The following ZNF566 variants were observed in gnomAD, a reference collection of about 807,000 sequenced individuals.
ZNF566 encodes the protein zinc finger protein 566.
In ZNF566, 27 loss-of-function variants were observed where a neutral mutation model predicts 32.8. That is an observed-to-expected ratio of 0.82 (90% CI 0.61 to 1.14). The LOEUF (loss-of-function observed/expected upper bound fraction) is 1.14, where lower values mean the gene tolerates loss of function less well. Among genes scored for constraint, ZNF566 ranks in the 50% most tolerant of loss-of-function variants. The pLI, the probability that ZNF566 is intolerant of heterozygous loss-of-function variation, is 0.00. For missense variants in ZNF566, 402 were observed against 490.4 expected (o/e 0.82, Z 1.70); for synonymous variants, 154 against 159.5 (o/e 0.97, Z 0.26).
At chr19:36,481,489 AAAAAAAG>A (rs1415048363) in intron 1 of ZNF566, among the ~76,000 whole-genome samples, 14 of 147,194 alleles carry the variant, frequency 9.5e-5, no homozygotes, top group Admixed American at 5.4e-4. Context: ...AAAAAAAAAA[AAAAAAAG>A]AAAAGAACAC....
chr19:36,452,927 G>A (rs1359950716), intron 4 of ZNF566, among the ~76,000 whole-genome samples: 1 of 152,010 alleles, frequency 6.6e-6, no homozygotes, highest in Non-Finnish European at 1.5e-5. Context: ...AGACCAGCCT[G>A]CCCAATATGG....
intron 1 of ZNF566, among the ~76,000 whole-genome samples, chr19:36,487,674 A>G (rs2034200337): frequency 6.6e-6 from 1 of 152,106 alleles, no homozygotes; most frequent in Non-Finnish European, 1.5e-5. Flanking sequence ...TTGGGAGGCC[A>G]AGGTGGGCGG....
intron 4 of ZNF566, among the ~76,000 whole-genome samples, chr19:36,454,469 C>T (rs1233592041): frequency 6.6e-6 from 1 of 152,046 alleles, no homozygotes; most frequent in African/African-American, 2.4e-5. Context: ...AGGAAGATTG[C>T]CTGAGCCCAG....
At chr19:36,451,773 C>T (rs1351895562) in intron 4 of ZNF566, among the ~76,000 whole-genome samples, 1 of 152,058 alleles carries the variant, frequency 6.6e-6, no homozygotes, top group Non-Finnish European at 1.5e-5. Context: ...TCTGCGGGGC[C>T]GAGGCGGGCC....
rs1033136358 is a variant in ZNF566, at chr19:36,446,544, C to G, written c.*2433G>C. On this transcript the variant is annotated 3_prime_UTR_variant, in exon 5 of 5. Coordinates refer to ENST00000452939, the MANE Select transcript of ZNF566 (RefSeq NM_001145344.1). Reference sequence around the variant, plus strand: ...TACAGGCGTAAGCCACTGTGCCCAGCCCCTTTTCTTTCTCTTTAATGGTAT... The same window carrying G: ...TACAGGCGTAAGCCACTGTGCCCAGGCCCTTTTCTTTCTCTTTAATGGTAT... 4 of 152,220 alleles carry G rather than the reference C, an allele frequency of 2.6e-5. No homozygotes were observed. The highest frequency in any genetic ancestry group is 9.6e-5 in the African/African-American group (4 of 41,454). 9.4% of individuals were successfully genotyped at this position (152,220 alleles called of 1,614,324 possible).
chr19:36,477,524 C>CTTTTTT (rs1568528960), intron 1 of ZNF566, among the ~76,000 whole-genome samples: 11 of 106,652 alleles, frequency 1.0e-4, no homozygotes, highest in South Asian at 3.1e-4. Flanking sequence ...TTTTCTGTTT[C>CTTTTTT]TGTTTTTTTT....
In ZNF566 at chr19:36,449,840, G is replaced by A; in HGVS notation, c.394C>T (p.Leu132Phe). The change falls in exon 5 of 5, where the codon CTC becomes TTC. Residue 132 changes from leucine (L) to phenylalanine (F), a missense_variant. This residue lies in a region of ZNF566 where 220 missense variants were observed against 241.9 expected (regional missense o/e 0.91). Transcript: ENST00000452939. ...WECNRQFKKE[L>F]GSQGGHFNQL... The stretch of plus-strand genomic sequence containing the variant: ...TTGAAATGTCCCCCCTGAGAGCCGA[G>A]TTCTTTCTTAAACTGCCGATTACAT... The A allele has an allele frequency of 6.2e-7, 1 of 1,614,126 alleles. No homozygotes were observed. Among genetic ancestry groups the A allele is most frequent in the Non-Finnish European group, 8.5e-7 (1 of 1,180,028 alleles).
chr19:36,445,340 C>T lies in ZNF566; in HGVS notation c.*3637G>A, dbSNP rs1441033484. 1 of 152,040 alleles carries T rather than the reference C, an allele frequency of 6.6e-6. No individual in the cohort carries two copies. The highest frequency in any genetic ancestry group is 1.5e-5 in the Non-Finnish European group (1 of 68,010). The allele number at this position is 152,040 out of a possible 1,614,324, so 9.4% of individuals were successfully genotyped here. On this transcript the variant is annotated 3_prime_UTR_variant, in exon 5 of 5. Transcript: ENST00000452939. ...TACTTCTGGCATAACTGGTTTTATT[C>T]CTGGATAGAAACAAGTCTGACATCC...
At position 36,471,107 on chromosome 19, in the gene ZNF566, G is replaced by A. The variant is rs561131132; in HGVS notation, c.232+1804C>T. On this transcript the variant is annotated intron_variant, in intron 4 of 4. Transcript: ENST00000452939. ...CACGCACCTGTAATCCCAACTACTC[G>A]GGAGGCTGAGGCAGGAGAATCGCTT... is the stretch of plus-strand genomic sequence containing the variant. 4.6e-5 allele frequency among the ~76,000 whole-genome samples: 7 copies of A among 151,316 alleles called. No individual in the cohort carries two copies. The South Asian group carries it at 6.3e-4, about 14-fold the overall frequency.
At chr19:36,474,768 C>T (rs1462312296) in intron 2 of ZNF566, among the ~76,000 whole-genome samples, 1 of 152,156 alleles carries the variant, frequency 6.6e-6, no homozygotes, top group Non-Finnish European at 1.5e-5. Context: ...AGACTCTGAT[C>T]CATTCCTATG....
Position 36,449,711 on chromosome 19 carries a change from C to G in ZNF566, c.523G>C (p.Glu175Gln). The G allele has an allele frequency of 6.2e-7, 1 of 1,614,072 alleles. No individual in the cohort carries two copies. Among genetic ancestry groups the G allele is most frequent in the Non-Finnish European group, 8.5e-7 (1 of 1,180,010 alleles). The change falls in exon 5 of 5, where the codon GAA becomes CAA. Residue 175 changes from glutamate (E) to glutamine (Q), a missense_variant. Physicochemically the swap from Glu to Gln is conservative, Grantham distance 29. Coordinates refer to ENST00000452939, the MANE Select transcript of ZNF566 (RefSeq NM_001145344.1). ...CCATGTCTAAAGGTTTTCCTATATT[C>G]TTTAGATGCACAGAATTTCTTTTTA... Reference protein sequence around the residue: ...NSKKKFCASKEYRKTFRHGSQ... With the variant: ...NSKKKFCASKQYRKTFRHGSQ...
At chr19:36,463,577 C>T (rs1358498008) in intron 4 of ZNF566, among the ~76,000 whole-genome samples, 1 of 130,272 alleles carries the variant, frequency 7.7e-6, no homozygotes, top group African/African-American at 2.9e-5. Flanking sequence ...GAGTCTCGCT[C>T]TGTTGCCCAG....
At chr19:36,481,411 CAGTG>C (rs2034026599) in intron 1 of ZNF566, among the ~76,000 whole-genome samples, 1 of 142,338 alleles carries the variant, frequency 7.0e-6, no homozygotes. Context: ...GCGGAGGTTG[CAGTG>C]AGCCGAGATC....
intron 2 of ZNF566, 156 bp downstream of exon 2, chr19:36,476,388 ATCCTT>A: frequency 1.9e-6 from 1 of 528,900 alleles, no homozygotes; most frequent in Non-Finnish European, 3.4e-6. Flanking sequence ...CCTGTTAGAG[ATCCTT>A]TCCTTTACAG....
Position 36,445,794 on chromosome 19 carries a change from G to C in ZNF566, c.*3183C>G, listed in dbSNP as rs1035310886. 1 of 152,150 alleles carries C rather than the reference G, an allele frequency of 6.6e-6. No individual in the cohort carries two copies. The highest frequency in any genetic ancestry group is 2.4e-5 in the African/African-American group (1 of 41,424). The allele number at this position is 152,150 out of a possible 1,614,324, so 9.4% of individuals were successfully genotyped here. ...AGATTGCGCCATTGCACTCCAGCCT[G>C]GGAAACAAGAGTGAAACTCTGTCTC... On this transcript the variant is annotated 3_prime_UTR_variant, in exon 5 of 5. Coordinates refer to ENST00000452939, the MANE Select transcript of ZNF566 (RefSeq NM_001145344.1).
chr19:36,488,454 A>G (rs1468444850), intron 1 of ZNF566, among the ~76,000 whole-genome samples: 1 of 152,160 alleles, frequency 6.6e-6, no homozygotes, highest in African/African-American at 2.4e-5. Flanking sequence ...GCAATAAGAT[A>G]TTTCAAACAT....
intron 4 of ZNF566, among the ~76,000 whole-genome samples, chr19:36,461,572 G>A (rs895370954): frequency 6.6e-6 from 1 of 152,124 alleles, no homozygotes; most frequent in African/African-American, 2.4e-5. Flanking sequence ...CAGGGAGGCT[G>A]AGGCAGGAGA....
At chr19:36,480,907 G>A (rs1250157139) in intron 1 of ZNF566, among the ~76,000 whole-genome samples, 2 of 151,806 alleles carry the variant, frequency 1.3e-5, no homozygotes, top group African/African-American at 4.8e-5. Flanking sequence ...GCCGGGCATG[G>A]TGGCAGACGC....
At chr19:36,454,850 T>C (rs1329108809) in intron 4 of ZNF566, among the ~76,000 whole-genome samples, 1 of 152,174 alleles carries the variant, frequency 6.6e-6, no homozygotes, top group Non-Finnish European at 1.5e-5. Flanking sequence ...TCCAAAATGT[T>C]GAAGACGGAA....
Sources: gnomAD v4.1 joint callset for allele counts (sites outside exome capture counted in the v4.1 genomes callset) on GRCh38, gnomAD v4.1.1 for gene constraint, gnomAD v4.1.1 regional missense constraint, MANE v1.5 for transcripts, NCBI Gene and HGNC (gene_info 2026-07-23, HGNC 2026-07-21) for gene names.